Variants in BAZ1A observed in about 807,000 individuals in gnomAD.
BAZ1A encodes the protein bromodomain adjacent to zinc finger domain 1A, also known as bromodomain adjacent to zinc finger domain protein 1A.
In BAZ1A, 50 loss-of-function variants were observed where a neutral mutation model predicts 185.2. The observed-to-expected ratio is 0.27, with a 90% confidence interval of 0.22 to 0.34. The LOEUF (loss-of-function observed/expected upper bound fraction) is 0.34. Ranked by LOEUF, BAZ1A falls within the 10% of genes least tolerant of loss-of-function variation. The pLI is 1.00. For missense variants in BAZ1A, 1,356 were observed against 1,839.9 expected (o/e 0.74, Z 4.81); for synonymous variants, 571 against 615.6 (o/e 0.93, Z 1.07).
chr14:34,782,952 ATATT>A (rs1880143013), intron 16 of BAZ1A, among the ~76,000 whole-genome samples, 163 bp downstream of exon 16: 1 of 152,214 alleles, frequency 6.6e-6, no homozygotes. Flanking sequence ...ACAGATAAAT[ATATT>A]GGTTAAAAAT....
At chr14:34,822,509 C>T (rs769229976) in intron 4 of BAZ1A, among the ~76,000 whole-genome samples, 3 of 151,708 alleles carry the variant, frequency 2.0e-5, no homozygotes, top group Non-Finnish European at 4.4e-5. Flanking sequence ...ACCTGTAGTC[C>T]CAGTTACTAG....
At chr14:34,838,519 A>AT (rs1249689965) in intron 3 of BAZ1A, among the ~76,000 whole-genome samples, 2 of 140,326 alleles carry the variant, frequency 1.4e-5, no homozygotes, top group Non-Finnish European at 3.2e-5. Flanking sequence ...GAGGGAAACT[A>AT]TTTTTTTCTT....
At position 34,753,713 on chromosome 14, in the gene BAZ1A, G is replaced by A; in HGVS notation, c.4475-9C>T. Reference sequence around the variant, plus strand: ...GTCATCAATAAACTCAGCTAGAAAGGGAAAGAGACAAAAAGATTAGAATGA... The same window carrying A: ...GTCATCAATAAACTCAGCTAGAAAGAGAAAGAGACAAAAAGATTAGAATGA... On this transcript the variant is annotated splice_polypyrimidine_tract_variant and intron_variant, in intron 26 of 26. Coordinates refer to ENST00000360310, the MANE Select transcript of BAZ1A (RefSeq NM_013448.3). The A allele has an allele frequency of 8.5e-6, 13 of 1,530,736 alleles. No individual in the cohort carries two copies. The highest frequency in any genetic ancestry group is 4.6e-5 in the East Asian group (2 of 43,016). 94.8% of individuals were successfully genotyped at this position (1,530,736 alleles called of 1,614,324 possible).
Position 34,774,408 on chromosome 14 carries a change from T to C in BAZ1A, c.2916A>G (p.Glu972=). 6.2e-7 allele frequency: 1 copy of C among 1,613,860 alleles called. No individual in the cohort carries two copies. The highest frequency in any genetic ancestry group is 8.5e-7 in the Non-Finnish European group (1 of 1,179,870). Residue 972 remains glutamate, a synonymous_variant, in exon 19 of 27, where the codon GAA becomes GAG. Coordinates refer to ENST00000360310, the MANE Select transcript of BAZ1A (RefSeq NM_013448.3). ...NAYDPSQMCA[E]KQLELRLRDF... Reference sequence around the variant, plus strand: ...CTCTCAGCCTTAGTTCAAGTTGCTTTTCTGCACACATCTGAGATGGATCAT... The same window carrying C: ...CTCTCAGCCTTAGTTCAAGTTGCTTCTCTGCACACATCTGAGATGGATCAT...
At chr14:34,754,614 AACTT>A (rs1886163164) in intron 26 of BAZ1A, among the ~76,000 whole-genome samples, 1 of 152,160 alleles carries the variant, frequency 6.6e-6, no homozygotes, top group South Asian at 2.1e-4. Context: ...AAGTATCTTT[AACTT>A]ACTTGATCCT....
chr14:34,871,937 C>T (rs1035220537), intron 2 of BAZ1A, among the ~76,000 whole-genome samples: 1 of 152,194 alleles, frequency 6.6e-6, no homozygotes, highest in Non-Finnish European at 1.5e-5. Flanking sequence ...GGTCAGGTTA[C>T]CATACTACAG....
intron 2 of BAZ1A, among the ~76,000 whole-genome samples, chr14:34,864,803 T>C (rs982401104): frequency 1.6e-5 from 2 of 125,238 alleles, no homozygotes; most frequent in Admixed American, 8.6e-5. Flanking sequence ...AAAGACAGAG[T>C]TCTCGCTCTG....
At chr14:34,839,210 C>CG (rs2042374608) in intron 3 of BAZ1A, among the ~76,000 whole-genome samples, 1 of 152,108 alleles carries the variant, frequency 6.6e-6, no homozygotes, top group Non-Finnish European at 1.5e-5. Flanking sequence ...TTCATAGAAA[C>CG]GCTGTGTGTC....
chr14:34,795,959 T>G (rs1881168725), intron 9 of BAZ1A, among the ~76,000 whole-genome samples, 194 bp from the exon 10 acceptor site: 1 of 152,040 alleles, frequency 6.6e-6, no homozygotes, highest in African/African-American at 2.4e-5. Flanking sequence ...CACGCTAAAG[T>G]TTTAGAACCA....
At chr14:34,854,761 A>G (rs1278127450) in intron 3 of BAZ1A, among the ~76,000 whole-genome samples, 1 of 152,160 alleles carries the variant, frequency 6.6e-6, no homozygotes, top group Non-Finnish European at 1.5e-5. Context: ...TATAAACAAA[A>G]AGCAGAGATA....
Position 34,792,844 on chromosome 14 carries a change from T to G in BAZ1A, c.1441A>C (p.Ile481Leu). 6.2e-7 allele frequency: 1 copy of G among 1,613,926 alleles called. No individual in the cohort carries two copies. Among genetic ancestry groups the G allele is most frequent in the Non-Finnish European group, 8.5e-7 (1 of 1,179,950 alleles). Residue 481 changes from isoleucine (I) to leucine (L), a missense_variant, in exon 12 of 27, where the codon ATC becomes CTC. Physicochemically the swap from Ile to Leu is conservative, Grantham distance 5. Coordinates refer to ENST00000360310, the MANE Select transcript of BAZ1A (RefSeq NM_013448.3). ...CELLFFFLTAIFQAIAEEEEE... is the reference protein window; with the variant it reads ...CELLFFFLTALFQAIAEEEEE... ...TCTTCTTCAGCTATTGCCTGGAAGA[T>G]TGCAGTCAGGAAGAAAAAAAGCAAT...
intron 3 of BAZ1A, among the ~76,000 whole-genome samples, chr14:34,834,831 A>T (rs894744275): frequency 2.1e-4 from 32 of 152,178 alleles, no homozygotes; most frequent in African/African-American, 7.5e-4. Flanking sequence ...AAAACAGAGA[A>T]TCATGAATTA....
chr14:34,851,832 T>C (rs1334062532), intron 3 of BAZ1A, among the ~76,000 whole-genome samples: 1 of 152,120 alleles, frequency 6.6e-6, no homozygotes, highest in Non-Finnish European at 1.5e-5. Flanking sequence ...ATGGCGTTCT[T>C]AGAAGACCAC....
intron 4 of BAZ1A, among the ~76,000 whole-genome samples, chr14:34,825,572 T>A (rs2042155075): frequency 6.6e-6 from 1 of 151,476 alleles, no homozygotes; most frequent in Non-Finnish European, 1.5e-5. Flanking sequence ...TCTAACATCA[T>A]TGTTGAACTA....
chr14:34,808,474 G>A (rs974377976), intron 5 of BAZ1A, among the ~76,000 whole-genome samples: 3 of 152,040 alleles, frequency 2.0e-5, no homozygotes, highest in Non-Finnish European at 4.4e-5. Context: ...CTCTAGTCTC[G>A]GAGACAGAGT....
In BAZ1A at chr14:34,756,464, C is replaced by CTTTTTT. The variant is rs1343693112; in HGVS notation, c.4387-1551_4387-1550insAAAAAA. On this transcript the variant is annotated intron_variant, in intron 25 of 26. Coordinates refer to ENST00000360310, the MANE Select transcript of BAZ1A (RefSeq NM_013448.3). ...GACACACTGCACCCAGCCAGAATAC[C>CTTTTTT]TATTTTTTTTTTTTTTTTTTTTTTT... Among the ~76,000 whole-genome samples, 17 of 107,202 alleles carry CTTTTTT rather than the reference C, an allele frequency of 1.6e-4. 2 individuals are homozygous for CTTTTTT. The highest frequency in any genetic ancestry group is 6.6e-4 in the South Asian group (2 of 3,042). 70.3% of individuals were successfully genotyped at this position (107,202 alleles called of 152,430 possible). A position where few individuals can be genotyped will look rare whatever the true frequency, so the allele number is the denominator to read the frequency against.
intron 11 of BAZ1A, among the ~76,000 whole-genome samples, chr14:34,793,161 G>C (rs1374843042): frequency 6.6e-6 from 1 of 152,068 alleles, no homozygotes; most frequent in Non-Finnish European, 1.5e-5. Flanking sequence ...AGCCTCAATA[G>C]ATCAACATAT....
chr14:34,783,948 CT>C (rs752859002), intron 14 of BAZ1A, 21 bp from the exon 15 acceptor site: 1 of 1,565,672 alleles, frequency 6.4e-7, no homozygotes, highest in Non-Finnish European at 8.6e-7. Flanking sequence ...TTGGTAAATA[CT>C]TCTGTATTAT....
chr14:34,817,312 G>A (rs2042020989), intron 4 of BAZ1A, among the ~76,000 whole-genome samples: 2 of 152,158 alleles, frequency 1.3e-5, no homozygotes, highest in African/African-American at 4.8e-5. Flanking sequence ...CTTAGGCTGG[G>A]CACAGTGGCT....
Sources: allele counts gnomAD v4.1 joint callset (sites outside exome capture counted in the v4.1 genomes callset), GRCh38; gene constraint gnomAD v4.1.1; transcripts MANE v1.5; gene names NCBI Gene and HGNC (gene_info 2026-07-23, HGNC 2026-07-21).